ZNF469: variants seen among roughly 807,000 people sequenced by gnomAD.
ZNF469 encodes zinc finger protein 469.
ZNF469 carries 1 observed loss-of-function variant against 1.0 expected under a neutral mutation model. The observed-to-expected ratio is 1.00, with a 90% CI of 0.35 to 4.73. The LOEUF (loss-of-function observed/expected upper bound fraction) is 4.73, where lower values mean the gene tolerates loss of function less well. Ranked by LOEUF, ZNF469 falls within the 30% of genes most tolerant of loss-of-function variation. The pLI is 0.16. For missense variants in ZNF469, 6,100 were observed against 5,356.3 expected, an observed-to-expected ratio of 1.14 and a Z score of -4.33; for synonymous variants, 2,703 against 2,363.4, an observed-to-expected ratio of 1.14 and a Z score of -4.17.
chr16:88,327,590 G>A, the ZNF469 span, among the ~76,000 whole-genome samples: 20 of 152,208 alleles, frequency 1.3e-4, no homozygotes, highest in African/African-American at 4.1e-4. Context: ...CTGCGTCACC[G>A]GCAGCAGGAC....
At chr16:88,169,608 C>T in the ZNF469 span, among the ~76,000 whole-genome samples, 1 of 152,156 alleles carries the variant, frequency 6.6e-6, no homozygotes, top group Admixed American at 6.5e-5. This position sits in a 1 kb window ranked among gnomAD's most constrained non-coding sequence, Gnocchi z 6.1. Context: ...ATCCACCTGC[C>T]GAAGGACGTT....
the ZNF469 span, among the ~76,000 whole-genome samples, chr16:88,320,867 G>A: frequency 6.6e-6 from 1 of 152,208 alleles, no homozygotes; most frequent in Non-Finnish European, 1.5e-5. Context: ...CGCCCAACAC[G>A]AGTCCACAGA....
the ZNF469 span, among the ~76,000 whole-genome samples, chr16:88,359,346 G>A: frequency 1.3e-4 from 19 of 150,424 alleles, 1 homozygote; most frequent in Middle Eastern, 6.8e-3. Context: ...GCTTCTGAGC[G>A]TCCCGGGGGC....
At chr16:88,384,576 C>T (rs909240508) in intron 1 of ZNF469, among the ~76,000 whole-genome samples, 1 of 152,158 alleles carries the variant, frequency 6.6e-6, no homozygotes, top group Non-Finnish European at 1.5e-5. Context: ...CAGGACAGAG[C>T]TCACCGGGAG....
rs1906348130 is a variant in ZNF469 at position 88,433,516 on chromosome 16, GCCT to G, written c.6048_6050del (p.Ser2017del). The G allele has an allele frequency of 6.5e-7, 1 of 1,550,258 alleles. No individual in the cohort carries two copies. The highest frequency in any genetic ancestry group is 2.0e-5 in the Admixed American group (1 of 50,974). ...GAGCCCAGGGGGCACGGACAACCAC[GCCT>G]CAGTCAATGCCAGTCCCAAAACAGC... On this transcript the variant is annotated inframe_deletion, in exon 3 of 3. Transcript: ENST00000565624.
At position 88,385,194 on chromosome 16, in the gene ZNF469, G is replaced by T. The variant is rs74388658; in HGVS notation, c.-192+1940G>T. Among the ~76,000 whole-genome samples the T allele has an allele frequency of 5.3e-5, 8 of 152,182 alleles. No homozygotes were observed. In the East Asian group the frequency reaches 1.5e-3, roughly 29 times the overall value. ...GGAAGTAAACCTGAACACCAGGGTG[G>T]CCTGGAAGCAGAGATGCCCTCCCCT... On this transcript the variant is annotated intron_variant, in intron 1 of 2. Transcript: ENST00000565624.
chr16:88,394,619 C>T (rs867492581), intron 1 of ZNF469, among the ~76,000 whole-genome samples: 2 of 152,210 alleles, frequency 1.3e-5, no homozygotes. Context: ...CTCCCCAGGC[C>T]AGGCCTGGCA....
At chr16:88,119,977 C>A in the ZNF469 span, among the ~76,000 whole-genome samples, 10 of 152,292 alleles carry the variant, frequency 6.6e-5, no homozygotes, top group South Asian at 4.1e-4. Context: ...CTGCCGCCGC[C>A]GTGCGTGCTG....
chr16:88,418,546 G>A lies in ZNF469; in HGVS notation c.-191-6261G>A, dbSNP rs1464087848. On this transcript the variant is annotated intron_variant, in intron 1 of 2. Coordinates refer to ENST00000565624, the MANE Select transcript of ZNF469 (RefSeq NM_001367624.2). ...CCGTCTTTAAGCACAAATCCCCACC[G>A]CCCCCCCGGCCACCTCCCTGTCATT... 3.2e-5 allele frequency among the ~76,000 whole-genome samples: 4 copies of A among 124,076 alleles called. No homozygotes were observed. In the Admixed American group the frequency reaches 3.4e-4, roughly 11 times the overall value. The allele number at this position is 124,076 out of a possible 152,430, so 81.4% of individuals were successfully genotyped here.
intron 1 of ZNF469, among the ~76,000 whole-genome samples, chr16:88,389,725 T>C (rs1904432591): frequency 6.6e-6 from 1 of 152,074 alleles, no homozygotes; most frequent in African/African-American, 2.4e-5. Flanking sequence ...AAACTGGGAA[T>C]GGGGCTCAGG....
At chr16:88,392,862 C>T (rs1373078258) in intron 1 of ZNF469, among the ~76,000 whole-genome samples, 2 of 152,254 alleles carry the variant, frequency 1.3e-5, no homozygotes, top group East Asian at 3.8e-4. Flanking sequence ...GGTTCCCTCC[C>T]CAACCTCCCT....
the ZNF469 span, among the ~76,000 whole-genome samples, chr16:88,209,123 A>G: frequency 9.9e-5 from 15 of 151,836 alleles, no homozygotes; most frequent in Non-Finnish European, 1.8e-4. Context: ...CCTTTCAAGT[A>G]TGTAAACTTA....
At chr16:88,355,999 C>G in the ZNF469 span, among the ~76,000 whole-genome samples, 1 of 152,158 alleles carries the variant, frequency 6.6e-6, no homozygotes, top group East Asian at 1.9e-4. Context: ...GTGGCCACAC[C>G]CCCTGAGGCC....
chr16:88,188,460 A>T, the ZNF469 span, among the ~76,000 whole-genome samples: 1 of 152,188 alleles, frequency 6.6e-6, no homozygotes, highest in African/African-American at 2.4e-5. Flanking sequence ...GGGCTGCTTA[A>T]TGACATCTTA....
At chr16:88,269,983 G>C in the ZNF469 span, among the ~76,000 whole-genome samples, 1 of 152,052 alleles carries the variant, frequency 6.6e-6, no homozygotes, top group African/African-American at 2.4e-5. Context: ...CACCATCCAG[G>C]ATCTAGGTTC....
chr16:88,289,243 G>C, the ZNF469 span, among the ~76,000 whole-genome samples: 1 of 145,486 alleles, frequency 6.9e-6, no homozygotes, highest in African/African-American at 2.7e-5. Flanking sequence ...GATGATGAAG[G>C]TGATAATGGC....
chr16:88,372,984 C>T, the ZNF469 span, among the ~76,000 whole-genome samples: 5 of 152,216 alleles, frequency 3.3e-5, no homozygotes, highest in African/African-American at 1.2e-4. Flanking sequence ...ATGATCTTCA[C>T]CATCATTGTC....
chr16:88,176,620 A>G, the ZNF469 span, among the ~76,000 whole-genome samples: 6 of 152,184 alleles, frequency 3.9e-5, no homozygotes, highest in Admixed American at 3.3e-4. Flanking sequence ...TTGAAACTCT[A>G]AGAAATATGA....
At chr16:88,173,629 A>G in the ZNF469 span, among the ~76,000 whole-genome samples, 1 of 152,258 alleles carries the variant, frequency 6.6e-6, no homozygotes, top group African/African-American at 2.4e-5. Flanking sequence ...TTCACTGTTT[A>G]AAACAATTTA....
Sources: allele counts gnomAD v4.1 joint callset (sites outside exome capture counted in the v4.1 genomes callset), GRCh38; gene constraint gnomAD v4.1.1; non-coding constraint Gnocchi (gnomAD v3.1); transcripts MANE v1.5; gene names NCBI Gene and HGNC (gene_info 2026-07-23, HGNC 2026-07-21).